The following TTC28 variants were observed in gnomAD, a reference collection of about 807,000 sequenced individuals.
TTC28 encodes the protein tetratricopeptide repeat protein 28.
Under a neutral mutation model 198.0 loss-of-function variants are expected in TTC28, and 61 were observed. The observed-to-expected ratio is 0.31, with a 90% CI of 0.25 to 0.38. The LOEUF is 0.38. Among genes scored for constraint, TTC28 ranks in the 10% least tolerant of loss-of-function variants. The probability of loss-of-function intolerance (pLI) is 1.00; values close to 1 mark genes in which losing one functional copy is unlikely to be tolerated. For missense variants in TTC28, 2,678 were observed against 3,164.0 expected (o/e 0.85, Z 3.69); for synonymous variants, 1,171 against 1,297.8 (o/e 0.90, Z 2.10).
At chr22:28,531,964 T>G (rs532842440) in intron 2 of TTC28, among the ~76,000 whole-genome samples, 1 of 152,178 alleles carries the variant, frequency 6.6e-6, no homozygotes, top group East Asian at 1.9e-4. Flanking sequence ...GCAGGAAAGA[T>G]CTAAAATTGA....
chr22:28,169,214 C>T (rs1199661022), intron 5 of TTC28, among the ~76,000 whole-genome samples: 2 of 152,184 alleles, frequency 1.3e-5, no homozygotes, highest in Admixed American at 1.3e-4. Context: ...AACACTTTTA[C>T]ACTGTTGGTG....
intron 1 of TTC28, among the ~76,000 whole-genome samples, chr22:28,677,586 C>G (rs2881497): frequency 6.6e-6 from 1 of 151,960 alleles, no homozygotes; most frequent in Admixed American, 6.6e-5. Flanking sequence ...TTGCAGTGAG[C>G]GGAGATCATG....
intron 2 of TTC28, among the ~76,000 whole-genome samples, chr22:28,425,047 A>G (rs1483830954): frequency 2.6e-5 from 4 of 152,232 alleles, no homozygotes; most frequent in African/African-American, 9.6e-5. Context: ...ATATAAATAA[A>G]GATCCAATCC....
intron 2 of TTC28, among the ~76,000 whole-genome samples, chr22:28,389,934 T>G (rs910494461): frequency 6.6e-5 from 10 of 151,914 alleles, no homozygotes; most frequent in Non-Finnish European, 1.3e-4. Flanking sequence ...ATTGTGATGT[T>G]AGGGTGTCAA....
chr22:27,986,431 A>C (rs188918694), intron 21 of TTC28: 85 of 152,352 alleles, frequency 5.6e-4, no homozygotes, highest in African/African-American at 2.0e-3. Context: ...ATGTAAGAAC[A>C]GACTAATACA....
intron 2 of TTC28, among the ~76,000 whole-genome samples, chr22:28,470,969 A>C (rs917626493): frequency 8.5e-5 from 13 of 152,342 alleles, no homozygotes; most frequent in African/African-American, 2.9e-4. Flanking sequence ...CAGAGAAGCC[A>C]AAATATGCTT....
chr22:28,390,386 C>G (rs1473353047), intron 2 of TTC28, among the ~76,000 whole-genome samples: 1 of 152,050 alleles, frequency 6.6e-6, no homozygotes, highest in Non-Finnish European at 1.5e-5. Context: ...GAGTTCAATT[C>G]CTGGGTATCC....
chr22:28,019,563 C>A (rs77611555), intron 13 of TTC28, among the ~76,000 whole-genome samples: 323 of 152,344 alleles, frequency 2.1e-3, no homozygotes, highest in African/African-American at 7.4e-3. Context: ...ATGCTCACAG[C>A]GGCTAACAGG....
chr22:28,299,564 C>G lies in TTC28; in HGVS notation c.530-1712G>C, dbSNP rs555088749. Among the ~76,000 whole-genome samples the G allele has an allele frequency of 1.9e-4, 29 of 152,258 alleles. No homozygotes were observed. In the South Asian group the frequency reaches 5.0e-3, roughly 26 times the overall value. On this transcript the variant is annotated intron_variant, in intron 3 of 22. Transcript: ENST00000397906. ...TACAGGCACAAGAACCCAGGAATTG[C>G]TAGAATACAAAAGCACAATACCATA...
At chr22:28,485,327 A>G (rs2048302427) in intron 2 of TTC28, among the ~76,000 whole-genome samples, 1 of 152,204 alleles carries the variant, frequency 6.6e-6, no homozygotes, top group African/African-American at 2.4e-5. Context: ...CATATTATAA[A>G]ATAATCTAGA....
chr22:28,414,724 G>A (rs886345443), intron 2 of TTC28, among the ~76,000 whole-genome samples: 1 of 152,132 alleles, frequency 6.6e-6, no homozygotes, highest in Non-Finnish European at 1.5e-5. Flanking sequence ...AAGTGAATAC[G>A]CAAAAGAAAA....
chr22:28,366,905 T>C (rs1186837123), intron 2 of TTC28, among the ~76,000 whole-genome samples: 1 of 151,948 alleles, frequency 6.6e-6, no homozygotes, highest in African/African-American at 2.4e-5. Context: ...TAAATATACA[T>C]GCACCCAACA....
At chr22:28,337,337 C>T (rs1361893494) in intron 2 of TTC28, among the ~76,000 whole-genome samples, 5 of 152,126 alleles carry the variant, frequency 3.3e-5, no homozygotes, top group African/African-American at 9.7e-5. Context: ...GTGGAGAGTT[C>T]TGTAGATGTC....
intron 6 of TTC28, among the ~76,000 whole-genome samples, chr22:28,122,074 G>A (rs1012020441): frequency 6.6e-6 from 1 of 152,120 alleles, no homozygotes; most frequent in South Asian, 2.1e-4. Context: ...TACCCTGTTG[G>A]CCAGGCTGTT....
Position 27,983,355 on chromosome 22 carries a change from G to A in TTC28, c.6312C>T (p.Ser2104=), listed in dbSNP as rs1430819937. 2 of 1,551,544 alleles carry A rather than the reference G, an allele frequency of 1.3e-6. No homozygotes were observed. The highest frequency in any genetic ancestry group is 1.7e-6 in the Non-Finnish European group (2 of 1,147,094). Residue 2104 remains serine, a synonymous_variant, in exon 23 of 23, where the codon AGC becomes AGT. Coordinates refer to ENST00000397906, the MANE Select transcript of TTC28 (RefSeq NM_001145418.2). ...RVSVSSKGSI[S]TPNSPVKMTL... ...TCATTTTCACTGGAGAATTTGGAGT[G>A]CTGATGCTCCCTTTGGAGCTCACCG...
intron 2 of TTC28, among the ~76,000 whole-genome samples, chr22:28,511,112 C>G (rs2048682255): frequency 6.6e-6 from 1 of 152,116 alleles, no homozygotes; most frequent in Non-Finnish European, 1.5e-5. Flanking sequence ...AATGGTATTC[C>G]TATCAAACTA....
At chr22:28,437,970 TCCC>T (rs1296709948) in intron 2 of TTC28, among the ~76,000 whole-genome samples, 1 of 152,044 alleles carries the variant, frequency 6.6e-6, no homozygotes, top group African/African-American at 2.4e-5. Context: ...ATTAAGTGAC[TCCC>T]CCAAGGCCAA....
At chr22:28,031,417 C>T (rs529376461) in intron 12 of TTC28, among the ~76,000 whole-genome samples, 10 of 152,312 alleles carry the variant, frequency 6.6e-5, no homozygotes, top group African/African-American at 9.6e-5. Context: ...TACTAAGGAC[C>T]GGTGTGAAGA....
At position 28,163,586 on chromosome 22, in the gene TTC28, G is replaced by A; in HGVS notation, c.947C>T (p.Ala316Val). 1 of 1,535,512 alleles carries A rather than the reference G, an allele frequency of 6.5e-7. No homozygotes were observed. Among genetic ancestry groups the A allele is most frequent in the Non-Finnish European group, 8.8e-7 (1 of 1,138,748 alleles). Residue 316 changes from alanine to valine, a missense_variant, in exon 6 of 23, where the codon GCC (alanine) becomes GTC (valine). By Grantham distance (64) the Ala-to-Val change is moderately conservative. Transcript: ENST00000397906. ...KLKDREAASS[A>V]LSSLGHVYTA... ...GTACACGTGGCCCAGACTGCTCAAG[G>A]CTGATGAAGCTGCCTGGAGAGAAAA...
Sources: allele counts gnomAD v4.1 joint callset (sites outside exome capture counted in the v4.1 genomes callset), GRCh38; gene constraint gnomAD v4.1.1; transcripts MANE v1.5; gene names NCBI Gene and HGNC (gene_info 2026-07-23, HGNC 2026-07-21).